Variants in SHC2 observed in about 807,000 individuals in gnomAD.
SHC2 encodes SHC-transforming protein 2.
A neutral mutation model predicts 60.6 loss-of-function variants in SHC2; 62 were observed. That is an observed-to-expected ratio of 1.02 (90% CI 0.83 to 1.26). SHC2 has a LOEUF of 1.26. Among genes scored for constraint, SHC2 ranks in the 50% most tolerant of loss-of-function variants. The probability of loss-of-function intolerance (pLI) is 0.00; values close to 1 mark genes in which losing one functional copy is unlikely to be tolerated. For missense variants in SHC2, 873 were observed against 822.2 expected, an observed-to-expected ratio of 1.06 and a Z score of -0.76; for synonymous variants, 375 against 372.4, an observed-to-expected ratio of 1.01 and a Z score of -0.08.
intron 8 of SHC2, among the ~76,000 whole-genome samples, 200 bp downstream of exon 8, chr19:434,508 GA>G (rs374668764): frequency 5.3e-5 from 8 of 151,934 alleles, no homozygotes; most frequent in Admixed American, 6.6e-5. Flanking sequence ...TCATGAGTGA[GA>G]TCGTGAGCCT....
intron 4 of SHC2, among the ~76,000 whole-genome samples, chr19:437,095 T>A (rs1974741609): frequency 6.6e-6 from 1 of 152,162 alleles, no homozygotes; most frequent in Non-Finnish European, 1.5e-5. Context: ...GACTCCCTTG[T>A]CCACGTGCAA....
chr19:448,124 G>A (rs890454282), intron 1 of SHC2, among the ~76,000 whole-genome samples: 4 of 152,220 alleles, frequency 2.6e-5, no homozygotes, highest in Admixed American at 6.5e-5. Flanking sequence ...CCATGCACCC[G>A]AGTCCCAATT....
rs561860221 is a variant in SHC2 at position 457,252 on chromosome 19, G to A, written c.468+3277C>T. ...TTTGCACCTGCACCTGCTGTGCCCC[G>A]ACTAGAACTCTGTCTGCAAACCCCA... is the stretch of plus-strand genomic sequence containing the variant. On this transcript the variant is annotated intron_variant, in intron 1 of 12. Transcript: ENST00000264554. Among the ~76,000 whole-genome samples the A allele has an allele frequency of 3.7e-5, 5 of 135,638 alleles. No individual in the cohort carries two copies. The South Asian group carries it at 9.2e-4, about 25-fold the overall frequency. 89.0% of individuals were successfully genotyped at this position (135,638 alleles called of 152,430 possible).
rs954611645 is a variant in SHC2, at chr19:453,832, G to A, written c.468+6697C>T. Among the ~76,000 whole-genome samples the A allele has an allele frequency of 1.3e-5, 2 of 152,206 alleles. No homozygotes were observed. The highest frequency in any genetic ancestry group is 2.4e-5 in the African/African-American group (1 of 41,448). ...ACGCACCTGGAGCAGAGCCAGACAC[G>A]CACAGGAAACTCTCCCTGAAGTGCT... is the stretch of plus-strand genomic sequence containing the variant. On this transcript the variant is annotated intron_variant, in intron 1 of 12. Transcript: ENST00000264554. This position sits in a 1 kb window ranked among gnomAD's most constrained non-coding sequence, Gnocchi z 6.3.
rs1012739335 is a variant in SHC2, at chr19:424,763, T to C, written c.1309+334A>G. Among the ~76,000 whole-genome samples, 1 of 151,904 alleles carries C rather than the reference T, an allele frequency of 6.6e-6. No homozygotes were observed. The highest frequency in any genetic ancestry group is 2.4e-5 in the African/African-American group (1 of 41,350). On this transcript the variant is annotated intron_variant, in intron 10 of 12. Coordinates refer to ENST00000264554, the MANE Select transcript of SHC2 (RefSeq NM_012435.3). The surrounding 1 kb of genome is among the most constrained non-coding windows in gnomAD (Gnocchi z 4.5). Reference sequence around the variant, plus strand: ...CGGCATTCCCAACCAGACTGGGGGTTCAGCAGGGAGGCCCCGGGAGATGGG... The same window carrying C: ...CGGCATTCCCAACCAGACTGGGGGTCCAGCAGGGAGGCCCCGGGAGATGGG...
Position 438,139 on chromosome 19 carries a change from A to G in SHC2, c.720+579T>C, listed in dbSNP as rs1290231120. 1.3e-5 allele frequency among the ~76,000 whole-genome samples: 2 copies of G among 151,924 alleles called. No homozygotes were observed. Among genetic ancestry groups the G allele is most frequent in the Non-Finnish European group, 2.9e-5 (2 of 67,986 alleles). The stretch of plus-strand genomic sequence containing the variant: ...GCTGGGATTACAGGCGCCCACCACC[A>G]CACCCGGCTAATCTTTGTATTTTTT... On this transcript the variant is annotated intron_variant, in intron 4 of 12. Coordinates refer to ENST00000264554, the MANE Select transcript of SHC2 (RefSeq NM_012435.3). The surrounding 1 kb of genome is among the most constrained non-coding windows in gnomAD (Gnocchi z 5.0).
rs902619300 is a variant in SHC2 at position 424,627 on chromosome 19, C to T, written c.1309+470G>A. 6.6e-6 allele frequency among the ~76,000 whole-genome samples: 1 copy of T among 152,184 alleles called. No homozygotes were observed. The highest frequency in any genetic ancestry group is 2.4e-5 in the African/African-American group (1 of 41,446). On this transcript the variant is annotated intron_variant, in intron 10 of 12. Transcript: ENST00000264554. The surrounding 1 kb of genome is among the most constrained non-coding windows in gnomAD (Gnocchi z 4.5). Reference sequence around the variant, plus strand: ...GACGGGGCCGCAGCCTCCCACCACACTGACCATTCTTTCAAGGAATGACGA... The same window carrying T: ...GACGGGGCCGCAGCCTCCCACCACATTGACCATTCTTTCAAGGAATGACGA...
chr19:443,274 G>T (rs1487460622), intron 1 of SHC2, among the ~76,000 whole-genome samples: 2 of 145,786 alleles, frequency 1.4e-5, no homozygotes, highest in East Asian at 2.2e-4. Context: ...GGATGGGTGG[G>T]TGGATGAATA....
chr19:418,689 T>C (rs937280866), intron 12 of SHC2, among the ~76,000 whole-genome samples: 1 of 149,460 alleles, frequency 6.7e-6, no homozygotes, highest in African/African-American at 2.5e-5. Context: ...ATGTGTGGGG[T>C]TGGAGCTGGG....
chr19:425,241 G>A lies in SHC2; in HGVS notation c.1175-10C>T, dbSNP rs757505380. The A allele has an allele frequency of 3.8e-6, 5 of 1,321,688 alleles. No homozygotes were observed. The East Asian group carries it at 1.1e-4, about 30-fold the overall frequency. 81.9% of individuals were successfully genotyped at this position (1,321,688 alleles called of 1,614,324 possible). A position where few individuals can be genotyped will look rare whatever the true frequency, so the allele number is the denominator to read the frequency against. ...CCGTCCCCCGGTGGAGCTGGGGAGT[G>A]TAAAGAGGGGCAGGGGGTCAGCTGG... On this transcript the variant is annotated splice_polypyrimidine_tract_variant and intron_variant, in intron 9 of 12. Coordinates refer to ENST00000264554, the MANE Select transcript of SHC2 (RefSeq NM_012435.3). The surrounding 1 kb of genome is among the most constrained non-coding windows in gnomAD (Gnocchi z 4.1).
At chr19:430,826 G>C (rs570242904) in intron 8 of SHC2, 79 bp from the exon 9 acceptor site, 1 of 1,347,320 alleles carries the variant, frequency 7.4e-7, no homozygotes, top group Non-Finnish European at 1.0e-6. Flanking sequence ...CTCCCCGCCC[G>C]GCCCTCTTAG....
chr19:455,450 C>T (rs187613880), intron 1 of SHC2, among the ~76,000 whole-genome samples: 1 of 152,354 alleles, frequency 6.6e-6, no homozygotes, highest in Admixed American at 6.5e-5. Flanking sequence ...GCGTGAGCCT[C>T]GGCGCCGGAG....
rs1974386759 is a variant in SHC2, at chr19:425,284, C to T, written c.1175-53G>A. On this transcript the variant is annotated intron_variant, in intron 9 of 12. Coordinates refer to ENST00000264554, the MANE Select transcript of SHC2 (RefSeq NM_012435.3). The surrounding 1 kb of genome is among the most constrained non-coding windows in gnomAD (Gnocchi z 4.1). Reference sequence around the variant, plus strand: ...TCAGCTGGGAGCCAGGCGAGGGGCTCGCAGGGAGCAAGGCGGGGTCCCACG... The same window carrying T: ...TCAGCTGGGAGCCAGGCGAGGGGCTTGCAGGGAGCAAGGCGGGGTCCCACG... The T allele has an allele frequency of 6.2e-6, 8 of 1,295,118 alleles. No homozygotes were observed. Among genetic ancestry groups the T allele is most frequent in the Non-Finnish European group, 5.9e-6 (6 of 1,013,598 alleles). 80.2% of individuals were successfully genotyped at this position (1,295,118 alleles called of 1,614,324 possible).
At position 440,846 on chromosome 19, in the gene SHC2, A is replaced by G. The variant is rs202136124; in HGVS notation, c.539+16T>C. Reference sequence around the variant, plus strand: ...TCACTCAGCCCTACGCGGCCAGGGCAGGGTTGGAGGCTCACCTGGTCACCT... The same window carrying G: ...TCACTCAGCCCTACGCGGCCAGGGCGGGGTTGGAGGCTCACCTGGTCACCT... On this transcript the variant is annotated intron_variant, in intron 2 of 12. Coordinates refer to ENST00000264554, the MANE Select transcript of SHC2 (RefSeq NM_012435.3). The surrounding 1 kb of genome is among the most constrained non-coding windows in gnomAD (Gnocchi z 7.0). 8.9e-4 allele frequency: 1,436 copies of G among 1,610,534 alleles called. 11 individuals are homozygous for G. The African/African-American group carries it at 0.017, about 19-fold the overall frequency.
chr19:431,410 G>A (rs1329067756), intron 8 of SHC2, among the ~76,000 whole-genome samples: 2 of 117,692 alleles, frequency 1.7e-5, no homozygotes. Flanking sequence ...GAGTGAGATC[G>A]TGAGTGAGAG....
In SHC2 at chr19:422,235, C is replaced by T; in HGVS notation, c.1531G>A (p.Asp511Asn). The T allele has an allele frequency of 6.2e-7, 1 of 1,612,530 alleles. No homozygotes were observed. The highest frequency in any genetic ancestry group is 8.5e-7 in the Non-Finnish European group (1 of 1,179,658). Residue 511 changes from aspartate to asparagine, a missense_variant, in exon 11 of 13, where the codon GAC (aspartate) becomes AAC (asparagine). Physicochemically the swap from Asp to Asn is conservative, Grantham distance 23. Coordinates refer to ENST00000264554, the MANE Select transcript of SHC2 (RefSeq NM_012435.3). The surrounding 1 kb of genome is among the most constrained non-coding windows in gnomAD (Gnocchi z 5.0). Reference sequence around the variant, plus strand: ...TACTGCCCGGGGTTGGTGACGCTGTCTCGCACAAGGAAGTCCCCGTCAGCT... The same window carrying T: ...TACTGCCCGGGGTTGGTGACGCTGTTTCGCACAAGGAAGTCCCCGTCAGCT... ...LRADGDFLVRDSVTNPGQYVL... is the reference protein window; with the variant it reads ...LRADGDFLVRNSVTNPGQYVL...
intron 11 of SHC2, 107 bp from the exon 12 acceptor site, chr19:419,163 T>C (rs1600268222): frequency 2.3e-6 from 3 of 1,299,174 alleles, no homozygotes; most frequent in East Asian, 2.7e-5. Context: ...GGTGCCTGCA[T>C]GGACGAGGGG....
At chr19:427,612 A>C (rs1974452766) in intron 9 of SHC2, among the ~76,000 whole-genome samples, 1 of 111,588 alleles carries the variant, frequency 9.0e-6, no homozygotes, top group Admixed American at 9.1e-5. Flanking sequence ...GGGAAGGGGA[A>C]TTGCGCACGG....
chr19:419,876 A>T (rs1313147640), intron 11 of SHC2: 1 of 152,250 alleles, frequency 6.6e-6, no homozygotes, highest in Non-Finnish European at 1.5e-5. Flanking sequence ...CTCCTGAGTG[A>T]GGCTGGGGGC....
Sources: gnomAD v4.1 joint callset for allele counts (sites outside exome capture counted in the v4.1 genomes callset) on GRCh38, gnomAD v4.1.1 for gene constraint, Gnocchi (gnomAD v3.1) non-coding constraint, MANE v1.5 for transcripts, NCBI Gene and HGNC (gene_info 2026-07-23, HGNC 2026-07-21) for gene names.